ERN1: variants seen among roughly 807,000 people sequenced by gnomAD.
ERN1 encodes the protein serine/threonine-protein kinase/endoribonuclease IRE1.
In ERN1, 39 loss-of-function variants were observed where a neutral mutation model predicts 113.1. That is an observed-to-expected ratio of 0.34 (90% CI 0.27 to 0.45). The LOEUF is 0.45. Among genes scored for constraint, ERN1 ranks in the 20% least tolerant of loss-of-function variants. The pLI is 1.00. For missense variants in ERN1, 976 were observed against 1,274.8 expected, an observed-to-expected ratio of 0.77 and a Z score of 3.57; for synonymous variants, 507 against 515.9, an observed-to-expected ratio of 0.98 and a Z score of 0.23.
intron 7 of ERN1, chr17:64,067,935 C>G: frequency 2.4e-6 from 1 of 414,970 alleles, no homozygotes; most frequent in East Asian, 4.0e-5. Context: ...CATAGAAAGA[C>G]TCAACGAGGG....
Position 64,049,113 on chromosome 17 carries a change from C to A in ERN1, c.2343G>T (p.Arg781=), listed in dbSNP as rs563629816. The A allele has an allele frequency of 1.4e-5, 22 of 1,610,306 alleles. No homozygotes were observed. Among genetic ancestry groups the A allele is most frequent in the Non-Finnish European group, 1.8e-5 (21 of 1,177,116 alleles). ...AGGCACCCAGGAGGATGTTGGCCTG[C>A]CGCTGCAGGGACTTGCCAAAAGGGT... The part of the protein sequence containing the change: ...GSHPFGKSLQ[R]QANILLGACS... The change falls in exon 18 of 22, where the codon CGG becomes CGT. Residue 781 remains arginine (R), a synonymous_variant. Transcript: ENST00000433197. This position sits in a 1 kb window ranked among gnomAD's most constrained non-coding sequence, Gnocchi z 4.7.
Position 64,130,142 on chromosome 17 carries a change from A to C in ERN1, c.-113T>G. 4.0e-6 allele frequency: 4 copies of C among 989,900 alleles called. No homozygotes were observed. In the East Asian group the frequency reaches 1.0e-4, roughly 25 times the overall value. 61.3% of individuals were successfully genotyped at this position (989,900 alleles called of 1,614,324 possible). On this transcript the variant is annotated 5_prime_UTR_variant, in exon 1 of 22. Transcript: ENST00000433197. This position sits in a 1 kb window ranked among gnomAD's most constrained non-coding sequence, Gnocchi z 4.0. ...TCAGCGGACGCAGAACTGACTAGGCAGCGGCGGCACCCCCATTCCCGGCCC... is the reference window on the plus strand; with the variant it reads ...TCAGCGGACGCAGAACTGACTAGGCCGCGGCGGCACCCCCATTCCCGGCCC...
rs138426026 is a variant in ERN1 at position 64,056,376 on chromosome 17, G to T, written c.1399-428C>A. 3.9e-4 allele frequency among the ~76,000 whole-genome samples: 59 copies of T among 152,360 alleles called. No homozygotes were observed. In the East Asian group the frequency reaches 0.011, roughly 29 times the overall value. ...CCCAGGTTCGCCACCCACCGTGTCTGTGTGTTGGCTAGAGGCTAGCGCACA... is the reference window on the plus strand; with the variant it reads ...CCCAGGTTCGCCACCCACCGTGTCTTTGTGTTGGCTAGAGGCTAGCGCACA... On this transcript the variant is annotated intron_variant, in intron 12 of 21. Transcript: ENST00000433197.
intron 1 of ERN1, among the ~76,000 whole-genome samples, chr17:64,126,895 G>C (rs148225308): frequency 1.1e-3 from 169 of 151,810 alleles, no homozygotes; most frequent in African/African-American, 3.9e-3. Flanking sequence ...TTGGCTAAAT[G>C]AAAGAAATCT....
chr17:64,046,836 C>T (rs556445370), intron 19 of ERN1, among the ~76,000 whole-genome samples: 76 of 152,334 alleles, frequency 5.0e-4, no homozygotes, highest in Admixed American at 1.2e-3. Flanking sequence ...TTCAGAGCCA[C>T]GTGCTGGGCA....
intron 15 of ERN1, among the ~76,000 whole-genome samples, 197 bp from the exon 16 acceptor site, chr17:64,053,568 T>G (rs1912757702): frequency 6.6e-6 from 1 of 152,160 alleles, no homozygotes; most frequent in South Asian, 2.1e-4. Context: ...GGCAAGAAAC[T>G]CAAGTTCATT....
At chr17:64,103,160 C>G (rs576050395) in intron 1 of ERN1, among the ~76,000 whole-genome samples, 1 of 152,270 alleles carries the variant, frequency 6.6e-6, no homozygotes, top group South Asian at 2.1e-4. Context: ...AAAGCCAACA[C>G]AAGACCAGCA....
intron 17 of ERN1, among the ~76,000 whole-genome samples, chr17:64,051,157 G>GAAA (rs57358024): frequency 6.9e-6 from 1 of 143,986 alleles, no homozygotes; most frequent in Non-Finnish European, 1.5e-5. Context: ...TAGCGATTAA[G>GAAA]AAAAAAAAAA....
chr17:64,086,547 T>A (rs1913929798), intron 2 of ERN1, among the ~76,000 whole-genome samples: 1 of 152,080 alleles, frequency 6.6e-6, no homozygotes, highest in Non-Finnish European at 1.5e-5. Flanking sequence ...GTTTTTATTT[T>A]CTTGGCTGGT....
At chr17:64,081,319 C>G (rs556615976) in intron 2 of ERN1, among the ~76,000 whole-genome samples, 2 of 152,264 alleles carry the variant, frequency 1.3e-5, no homozygotes, top group African/African-American at 4.8e-5. Flanking sequence ...TCTAGAGCCT[C>G]CAAGTGTTCA....
chr17:64,105,218 C>T (rs1466147176), intron 1 of ERN1, among the ~76,000 whole-genome samples: 2 of 152,174 alleles, frequency 1.3e-5, no homozygotes, highest in Non-Finnish European at 2.9e-5. Context: ...AAGCAATCCT[C>T]TCCCCTCAGT....
At chr17:64,050,297 C>G (rs977039271) in intron 17 of ERN1, among the ~76,000 whole-genome samples, 1 of 152,132 alleles carries the variant, frequency 6.6e-6, no homozygotes, top group Admixed American at 6.5e-5. Context: ...GTCTTTCACG[C>G]CCCCCACACT....
chr17:64,050,725 A>C (rs1373256428), intron 17 of ERN1, among the ~76,000 whole-genome samples: 1 of 152,266 alleles, frequency 6.6e-6, no homozygotes, highest in Non-Finnish European at 1.5e-5. Context: ...AAATCTGAAA[A>C]GACCTTAGCC....
At chr17:64,120,934 A>G (rs1274341015) in intron 1 of ERN1, among the ~76,000 whole-genome samples, 7 of 152,200 alleles carry the variant, frequency 4.6e-5, no homozygotes, top group Non-Finnish European at 7.3e-5. Context: ...AATTCAATAA[A>G]TATTTGCTGA....
chr17:64,053,215 C>G lies in ERN1; in HGVS notation c.2053+57G>C, dbSNP rs554046227. On this transcript the variant is annotated intron_variant, in intron 16 of 21. Transcript: ENST00000433197. Reference sequence around the variant, plus strand: ...CACCCGAGCTACTGGTTAGCCCCACCTGGGCCACTGATTCTCCCCACCCGG... The same window carrying G: ...CACCCGAGCTACTGGTTAGCCCCACGTGGGCCACTGATTCTCCCCACCCGG... 1.5e-4 allele frequency: 214 copies of G among 1,443,312 alleles called. No homozygotes were observed. The African/African-American group carries it at 2.7e-3, about 18-fold the overall frequency. 89.4% of individuals were successfully genotyped at this position (1,443,312 alleles called of 1,614,324 possible).
intron 10 of ERN1, among the ~76,000 whole-genome samples, chr17:64,062,278 C>T (rs1913078150): frequency 6.6e-6 from 1 of 152,210 alleles, no homozygotes; most frequent in African/African-American, 2.4e-5. Flanking sequence ...ACAGACCATG[C>T]CTCTCAAGCT....
chr17:64,054,769 C>T lies in ERN1; in HGVS notation c.1732G>A (p.Gly578Ser), dbSNP rs901929741. The change falls in exon 14 of 22, where the codon GGC (glycine) becomes AGC (serine). Residue 578 changes from glycine to serine, a missense_variant. Gly to Ser is a moderately conservative substitution (Grantham distance 56). Around this residue, in one of 5 missense-constraint regions of ERN1, gnomAD observed 297 missense variants for 457.8 expected, o/e 0.65. Transcript: ENST00000433197. The surrounding 1 kb of genome is among the most constrained non-coding windows in gnomAD (Gnocchi z 4.9). ...ACAATTGTGCCCTCAGCTCCATGGC[C>T]CAGGACATCCTTGGGACAGAAGGAA... is the stretch of plus-strand genomic sequence containing the variant. ...KISFCPKDVL[G>S]HGAEGTIVYR... The T allele has an allele frequency of 6.2e-7, 1 of 1,609,982 alleles. No homozygotes were observed. Among genetic ancestry groups the T allele is most frequent in the African/African-American group, 1.3e-5 (1 of 74,834 alleles).
intron 2 of ERN1, among the ~76,000 whole-genome samples, chr17:64,084,454 G>T (rs1913863266): frequency 6.6e-6 from 1 of 151,976 alleles, no homozygotes; most frequent in Admixed American, 6.6e-5. Context: ...ATAAATCCTG[G>T]CTCTGCCAAT....
chr17:64,108,286 T>C (rs1249919047), intron 1 of ERN1, among the ~76,000 whole-genome samples: 1 of 152,162 alleles, frequency 6.6e-6, no homozygotes, highest in Non-Finnish European at 1.5e-5. Context: ...GTGAATACAG[T>C]TCCCCCCAAA....
Sources: allele counts gnomAD v4.1 joint callset (sites outside exome capture counted in the v4.1 genomes callset), GRCh38; gene constraint gnomAD v4.1.1; regional missense constraint gnomAD v4.1.1; non-coding constraint Gnocchi (gnomAD v3.1); transcripts MANE v1.5; gene names NCBI Gene and HGNC (gene_info 2026-07-23, HGNC 2026-07-21).